PCDH7: variants seen among roughly 807,000 people sequenced by gnomAD.
PCDH7 encodes the protein protocadherin-7.
In PCDH7, 17 loss-of-function variants were observed where a neutral mutation model predicts 58.9. The observed-to-expected ratio is 0.29, with a 90% confidence interval of 0.20 to 0.43. The LOEUF (loss-of-function observed/expected upper bound fraction) is 0.43. Ranked by LOEUF, PCDH7 falls within the 20% of genes least tolerant of loss-of-function variation. The pLI, the probability that PCDH7 is intolerant of heterozygous loss-of-function variation, is 1.00. For synonymous variants in PCDH7, 664 were observed against 616.4 expected, an observed-to-expected ratio of 1.08 and a Z score of -1.14; for missense variants, 1,274 against 1,441.0, an observed-to-expected ratio of 0.88 and a Z score of 1.88.
At chr4:30,954,091 T>C (rs1747614998) in intron 3 of PCDH7, among the ~76,000 whole-genome samples, 1 of 152,166 alleles carries the variant, frequency 6.6e-6, no homozygotes, top group African/African-American at 2.4e-5. Flanking sequence ...CTGTTACAAA[T>C]GCCAAATTGC....
At chr4:31,099,332 C>T (rs1406085699) in intron 3 of PCDH7, among the ~76,000 whole-genome samples, 1 of 152,138 alleles carries the variant, frequency 6.6e-6, no homozygotes, top group Non-Finnish European at 1.5e-5. Context: ...CATATACAGG[C>T]TGCAGGGGGA....
chr4:30,997,961 A>C (rs1464496322), intron 3 of PCDH7, among the ~76,000 whole-genome samples: 1 of 152,080 alleles, frequency 6.6e-6, no homozygotes, highest in East Asian at 1.9e-4. Context: ...AAAGGAACCA[A>C]GTGTTAATTG....
chr4:31,108,969 G>T (rs1715945689), intron 3 of PCDH7, among the ~76,000 whole-genome samples: 1 of 152,146 alleles, frequency 6.6e-6, no homozygotes, highest in Non-Finnish European at 1.5e-5. Context: ...TCCACTAGGG[G>T]TTGTGTTGGG....
chr4:30,975,556 T>A (rs921438381), intron 3 of PCDH7, among the ~76,000 whole-genome samples: 4 of 152,186 alleles, frequency 2.6e-5, no homozygotes, highest in Admixed American at 6.5e-5. Flanking sequence ...CTGTTTTATG[T>A]TTTTAAGTTA....
intron 1 of PCDH7, among the ~76,000 whole-genome samples, chr4:30,894,463 GAAAAAAAAAAAAA>G (rs750545292): frequency 1.2e-3 from 16 of 13,032 alleles, no homozygotes; most frequent in Admixed American, 4.6e-3. Flanking sequence ...TTTCATTCAG[GAAAAAAAAAAAAA>G]AAAAAAAAAA....
chr4:30,878,651 C>A (rs1736584852), intron 1 of PCDH7, among the ~76,000 whole-genome samples: 1 of 152,012 alleles, frequency 6.6e-6, no homozygotes, highest in Non-Finnish European at 1.5e-5. Flanking sequence ...GAGTTCAAGA[C>A]CAGCCTGGTC....
chr4:31,005,167 T>A (rs1284761426), intron 3 of PCDH7, among the ~76,000 whole-genome samples: 1 of 152,194 alleles, frequency 6.6e-6, no homozygotes, highest in Non-Finnish European at 1.5e-5. Context: ...GAAAACAAAC[T>A]GCTCGGCAGA....
chr4:31,093,343 G>A (rs1713512284), intron 3 of PCDH7, among the ~76,000 whole-genome samples: 1 of 152,076 alleles, frequency 6.6e-6, no homozygotes, highest in African/African-American at 2.4e-5. Flanking sequence ...TAGTCAAAAG[G>A]TAAATTCTGT....
At chr4:30,991,248 TC>T (rs1330158909) in intron 3 of PCDH7, among the ~76,000 whole-genome samples, 1 of 152,058 alleles carries the variant, frequency 6.6e-6, no homozygotes, top group East Asian at 1.9e-4. Flanking sequence ...ACCTCACTCC[TC>T]CCCCAAGTCA....
intron 1 of PCDH7, among the ~76,000 whole-genome samples, chr4:30,848,524 T>G (rs1039405211): frequency 2.0e-5 from 3 of 152,148 alleles, no homozygotes; most frequent in African/African-American, 7.2e-5. Flanking sequence ...CAATGAGGGC[T>G]GTGTGCCTAA....
chr4:30,982,423 C>G (rs549884002), intron 3 of PCDH7, among the ~76,000 whole-genome samples: 1 of 152,086 alleles, frequency 6.6e-6, no homozygotes, highest in African/African-American at 2.4e-5. Context: ...TTTCCTGGCT[C>G]GTATACTTAT....
chr4:30,849,773 T>C (rs149336981), intron 1 of PCDH7, among the ~76,000 whole-genome samples: 185 of 152,192 alleles, frequency 1.2e-3, no homozygotes, highest in African/African-American at 4.2e-3. Context: ...GAGGTCTCCT[T>C]TCTTTTCTGG....
Position 31,020,812 on chromosome 4 carries a change from T to C in PCDH7, c.*7+70597T>C, listed in dbSNP as rs61792941. Reference sequence around the variant, plus strand: ...GCACACTAGCCATTTCTTTGAGTAATGCAGGGCTGTATATATTCCCACTGT... The same window carrying C: ...GCACACTAGCCATTTCTTTGAGTAACGCAGGGCTGTATATATTCCCACTGT... On this transcript the variant is annotated intron_variant, in intron 3 of 3. Coordinates refer to the PCDH7 transcript ENST00000509759. Among the ~76,000 whole-genome samples, 1,409 of 152,338 alleles carry C rather than the reference T, an allele frequency of 9.2e-3. 18 individuals carry two copies. Among genetic ancestry groups the C allele is most frequent in the Non-Finnish European group, 0.014 (954 of 68,034 alleles).
intron 3 of PCDH7, among the ~76,000 whole-genome samples, chr4:30,951,887 G>A (rs1747405593): frequency 6.6e-6 from 1 of 152,002 alleles, no homozygotes; most frequent in Non-Finnish European, 1.5e-5. Context: ...AGTTACTAGA[G>A]GGCAATGATT....
chr4:30,941,605 A>C, intron 2 of PCDH7, among the ~76,000 whole-genome samples: 1 of 151,900 alleles, frequency 6.6e-6, no homozygotes, highest in East Asian at 1.9e-4. Flanking sequence ...CCTATAAGCA[A>C]ATTGTGCTTT....
chr4:30,990,198 G>C (rs557707846), intron 3 of PCDH7, among the ~76,000 whole-genome samples: 1 of 151,724 alleles, frequency 6.6e-6, no homozygotes, highest in Non-Finnish European at 1.5e-5. Context: ...AAAATTTTGT[G>C]CCTAAAGAGG....
chr4:31,126,205 C>A (rs111790617), intron 3 of PCDH7, among the ~76,000 whole-genome samples: 1 of 150,394 alleles, frequency 6.6e-6, no homozygotes, highest in Non-Finnish European at 1.5e-5. Flanking sequence ...CTCACTGCAA[C>A]CTCTGCCTCC....
At chr4:31,083,056 G>A (rs545689467) in intron 3 of PCDH7, among the ~76,000 whole-genome samples, 14 of 152,006 alleles carry the variant, frequency 9.2e-5, no homozygotes, top group South Asian at 2.1e-4. Context: ...TGCAATGAGC[G>A]GAGATTGCGC....
chr4:30,824,530 A>G (rs1264640093), intron 1 of PCDH7, among the ~76,000 whole-genome samples: 2 of 152,142 alleles, frequency 1.3e-5, no homozygotes, highest in Non-Finnish European at 2.9e-5. Context: ...TGATAGAGAT[A>G]TATCCCAAGA....
Sources: allele counts gnomAD v4.1 joint callset (sites outside exome capture counted in the v4.1 genomes callset), GRCh38; gene constraint gnomAD v4.1.1; transcripts MANE v1.5; gene names NCBI Gene and HGNC (gene_info 2026-07-23, HGNC 2026-07-21).